FMN2: variants seen among roughly 807,000 people sequenced by gnomAD.
FMN2 encodes the protein formin 2.
In FMN2, 51 loss-of-function variants were observed where a neutral mutation model predicts 142.3. The observed-to-expected ratio is 0.36, with a 90% CI of 0.29 to 0.45. The LOEUF (loss-of-function observed/expected upper bound fraction) is 0.45, where lower values mean the gene tolerates loss of function less well. FMN2 is among the 20% of genes least tolerant of loss of function. The probability of loss-of-function intolerance (pLI) is 1.00; values close to 1 mark genes in which losing one functional copy is unlikely to be tolerated. For missense variants in FMN2, 1,936 were observed against 2,122.8 expected (o/e 0.91, Z 1.73); for synonymous variants, 882 against 869.8 (o/e 1.01, Z -0.25).
chr1:240,361,182 TATAA>T (rs1558452707), intron 14 of FMN2, among the ~76,000 whole-genome samples: 41 of 103,474 alleles, frequency 4.0e-4, no homozygotes, highest in African/African-American at 1.3e-3. Flanking sequence ...TATATATATA[TATAA>T]AAGAGTTTAA....
chr1:240,368,994 G>A (rs1011092989), intron 14 of FMN2, among the ~76,000 whole-genome samples: 11 of 147,168 alleles, frequency 7.5e-5, no homozygotes, highest in African/African-American at 1.6e-4. Flanking sequence ...AAAATTATTC[G>A]TCAAGCAAAT....
At chr1:240,177,849 A>C in intron 2 of FMN2, 72 bp from the exon 3 acceptor site, 1 of 1,308,742 alleles carries the variant, frequency 7.6e-7, no homozygotes, top group Middle Eastern at 2.1e-4. Flanking sequence ...TGATTTTGCA[A>C]TGTATTAGTC....
intron 4 of FMN2, among the ~76,000 whole-genome samples, chr1:240,191,284 GA>G (rs1194674935): frequency 6.6e-6 from 1 of 152,182 alleles, no homozygotes; most frequent in African/African-American, 2.4e-5. Flanking sequence ...GATATCCCTA[GA>G]AAAAACACAT....
intron 14 of FMN2, among the ~76,000 whole-genome samples, chr1:240,388,482 A>G (rs1316147717): frequency 6.6e-6 from 1 of 152,040 alleles, no homozygotes; most frequent in Non-Finnish European, 1.5e-5. Flanking sequence ...GACCTTGCAA[A>G]GTATAAGCAT....
At chr1:240,141,983 T>C (rs190415365) in intron 2 of FMN2, among the ~76,000 whole-genome samples, 1 of 152,280 alleles carries the variant, frequency 6.6e-6, no homozygotes, top group Non-Finnish European at 1.5e-5. Flanking sequence ...GTTCCCATGA[T>C]GCTATGTGTG....
intron 15 of FMN2, among the ~76,000 whole-genome samples, chr1:240,434,643 G>C (rs1313751594): frequency 3.3e-5 from 5 of 151,094 alleles, no homozygotes; most frequent in Admixed American, 2.6e-4. Flanking sequence ...CTCACTGCAA[G>C]CTCCGCCTCC....
chr1:240,348,616 C>A (rs1023286133), intron 13 of FMN2, among the ~76,000 whole-genome samples: 2 of 151,704 alleles, frequency 1.3e-5, no homozygotes, highest in Non-Finnish European at 2.9e-5. Context: ...AGGTTGGAGC[C>A]CTGTCAGGTA....
chr1:240,386,477 T>C (rs376300322), intron 14 of FMN2, among the ~76,000 whole-genome samples: 1 of 152,196 alleles, frequency 6.6e-6, no homozygotes, highest in African/African-American at 2.4e-5. Context: ...CCTGGGAATA[T>C]GTGGTATTCC....
At chr1:240,242,326 T>G (rs1377915419) in intron 6 of FMN2, among the ~76,000 whole-genome samples, 2 of 152,222 alleles carry the variant, frequency 1.3e-5, no homozygotes, top group African/African-American at 4.8e-5. Context: ...GGAGATATTG[T>G]TATCAAGAAA....
intron 2 of FMN2, chr1:240,144,405 G>A: frequency 6.2e-7 from 1 of 1,605,480 alleles, no homozygotes; most frequent in Admixed American, 1.7e-5. Context: ...CTGTTGAGCT[G>A]TACATTGGAC....
chr1:240,166,176 C>T (rs940250285), intron 2 of FMN2, among the ~76,000 whole-genome samples: 42 of 148,960 alleles, frequency 2.8e-4, no homozygotes, highest in Middle Eastern at 3.5e-3. Context: ...TATAAATAAA[C>T]GTTACCTCAT....
Position 240,208,376 on chromosome 1 carries a change from C to T in FMN2, c.3564C>T (p.Pro1188=), listed in dbSNP as rs538952704. 977 of 1,589,026 alleles carry T rather than the reference C, an allele frequency of 6.1e-4. 12 individuals are homozygous for T. The South Asian group carries it at 0.01, about 17-fold the overall frequency. Residue 1188 remains proline, a synonymous_variant, in exon 5 of 18, where the codon CCC becomes CCT. Coordinates refer to ENST00000319653, the MANE Select transcript of FMN2 (RefSeq NM_020066.5). ...CTGGAGTGGGAATACCTCCTCCGCC[C>T]CCTCTACCTGGAGTGGGAATACCTC... ...PLPGVGIPPP[P]PLPGVGIPPP... is the part of the protein sequence containing the mutation.
At chr1:240,427,876 A>G (rs913094844) in intron 15 of FMN2, among the ~76,000 whole-genome samples, 27 of 152,254 alleles carry the variant, frequency 1.8e-4, no homozygotes, top group African/African-American at 5.8e-4. Context: ...CATTTTTGTG[A>G]TGTCACCAGC....
intron 14 of FMN2, among the ~76,000 whole-genome samples, chr1:240,362,566 A>G (rs139594405): frequency 6.6e-6 from 1 of 152,180 alleles, no homozygotes; most frequent in Admixed American, 6.6e-5. Context: ...CAAAGTATAC[A>G]CACAAAAAAC....
At chr1:240,389,893 A>G (rs1673548990) in intron 14 of FMN2, among the ~76,000 whole-genome samples, 2 of 152,208 alleles carry the variant, frequency 1.3e-5, no homozygotes, top group Admixed American at 1.3e-4. Context: ...TGCAGCTTGC[A>G]GTGAGCCATC....
At chr1:240,148,763 G>A (rs1055979663) in intron 2 of FMN2, among the ~76,000 whole-genome samples, 11 of 152,086 alleles carry the variant, frequency 7.2e-5, no homozygotes, top group Admixed American at 3.3e-4. Flanking sequence ...GGCGGATCAC[G>A]AGGTCAGGAG....
intron 1 of FMN2, among the ~76,000 whole-genome samples, chr1:240,102,434 C>A (rs909714922): frequency 6.6e-6 from 1 of 152,028 alleles, no homozygotes; most frequent in African/African-American, 2.4e-5. Flanking sequence ...TAGGGATAAT[C>A]TTTGAAACTC....
At position 240,273,619 on chromosome 1, in the gene FMN2, C is replaced by T. The variant is rs1346669502; in HGVS notation, c.4153+15587C>T. 1.6e-4 allele frequency among the ~76,000 whole-genome samples: 25 copies of T among 152,080 alleles called. 1 individual carries two copies. On this transcript the variant is annotated intron_variant, in intron 7 of 17. Coordinates refer to ENST00000319653, the MANE Select transcript of FMN2 (RefSeq NM_020066.5). Reference sequence around the variant, plus strand: ...TGTTGTACTGTCTCGCTAGAGTACACATTCATGTTCTGTGTATGGGAGTGG... The same window carrying T: ...TGTTGTACTGTCTCGCTAGAGTACATATTCATGTTCTGTGTATGGGAGTGG...
At chr1:240,395,767 G>C (rs1193876210) in intron 15 of FMN2, among the ~76,000 whole-genome samples, 1 of 152,224 alleles carries the variant, frequency 6.6e-6, no homozygotes, top group East Asian at 1.9e-4. Flanking sequence ...GTAGTTTCTT[G>C]AGGTGGAATC....
Sources: gnomAD v4.1 joint callset for allele counts (sites outside exome capture counted in the v4.1 genomes callset) on GRCh38, gnomAD v4.1.1 for gene constraint, MANE v1.5 for transcripts, NCBI Gene and HGNC (gene_info 2026-07-23, HGNC 2026-07-21) for gene names.